Variants in PHACTR3 observed in about 807,000 individuals in gnomAD.
PHACTR3 encodes phosphatase and actin regulator 3.
A neutral mutation model predicts 66.8 loss-of-function variants in PHACTR3; 16 were observed. The ratio of observed to expected loss-of-function variants is 0.24; its 90% confidence interval spans 0.16 to 0.36. PHACTR3 has a LOEUF of 0.36. PHACTR3 is among the 10% of genes least tolerant of loss of function. The pLI is 1.00. For synonymous variants in PHACTR3, 323 were observed against 292.1 expected, an observed-to-expected ratio of 1.11 and a Z score of -1.08; for missense variants, 647 against 719.9, an observed-to-expected ratio of 0.90 and a Z score of 1.16.
At chr20:59,689,497 C>A (rs2037024426) in intron 1 of PHACTR3, among the ~76,000 whole-genome samples, 1 of 152,206 alleles carries the variant, frequency 6.6e-6, no homozygotes, top group African/African-American at 2.4e-5. Context: ...TGTTGAGGAG[C>A]AAACCAAGCT....
At position 59,704,122 on chromosome 20, in the gene PHACTR3, C is replaced by G. The variant is rs890167846; in HGVS notation, c.119-38985C>G. Among the ~76,000 whole-genome samples the G allele has an allele frequency of 2.0e-5, 3 of 152,220 alleles. No individual in the cohort carries two copies. In the East Asian group the frequency reaches 5.8e-4, roughly 29 times the overall value. On this transcript the variant is annotated intron_variant, in intron 1 of 12. Coordinates refer to ENST00000371015, the MANE Select transcript of PHACTR3 (RefSeq NM_080672.5). The stretch of plus-strand genomic sequence containing the variant: ...CTTTCATACATTTTTGCTAAGTAAC[C>G]CTCCAGAGAGAAGGGAACAAGTGGC...
At chr20:59,605,164 C>CCG in intron 1 of PHACTR3, 32 bp downstream of exon 1, 4 of 1,145,878 alleles carry the variant, frequency 3.5e-6, no homozygotes, top group Non-Finnish European at 4.5e-6. Flanking sequence ...GCGGGCGGGT[C>CCG]GGGGAGGCCC....
intron 1 of PHACTR3, among the ~76,000 whole-genome samples, chr20:59,671,686 T>C (rs1299874324): frequency 1.3e-5 from 2 of 152,248 alleles, no homozygotes; most frequent in Non-Finnish European, 2.9e-5. Context: ...ATTGTCCAGC[T>C]GTGATATTGG....
intron 1 of PHACTR3, among the ~76,000 whole-genome samples, chr20:59,613,777 T>C (rs923125803): frequency 6.6e-6 from 1 of 152,214 alleles, no homozygotes; most frequent in Non-Finnish European, 1.5e-5. Flanking sequence ...GCAGTTTTTA[T>C]GTTTTGTGCC....
At chr20:59,670,610 G>GT in intron 1 of PHACTR3, among the ~76,000 whole-genome samples, 1 of 137,290 alleles carries the variant, frequency 7.3e-6, no homozygotes, top group African/African-American at 2.6e-5. Flanking sequence ...GGGGGTGGGG[G>GT]GGGGGGGCAG....
chr20:59,635,402 T>G (rs1327949684), intron 1 of PHACTR3, among the ~76,000 whole-genome samples: 1 of 150,820 alleles, frequency 6.6e-6, no homozygotes, highest in Non-Finnish European at 1.5e-5. Context: ...CTCGGCTAAT[T>G]TTTTTGTATT....
At chr20:59,734,023 C>T (rs2146729081) in intron 1 of PHACTR3, among the ~76,000 whole-genome samples, 1 of 152,042 alleles carries the variant, frequency 6.6e-6, no homozygotes, top group Non-Finnish European at 1.5e-5. Flanking sequence ...TCTCACAAGG[C>T]TGAACTTGCT....
At chr20:59,789,729 A>G (rs2041032076) in intron 7 of PHACTR3, among the ~76,000 whole-genome samples, 1 of 152,230 alleles carries the variant, frequency 6.6e-6, no homozygotes, top group South Asian at 2.1e-4. Context: ...AACAGACTCC[A>G]GGACTGTTCT....
chr20:59,606,303 T>TCCCCCCC (rs5842274), intron 1 of PHACTR3, among the ~76,000 whole-genome samples: 1 of 151,034 alleles, frequency 6.6e-6, no homozygotes, highest in East Asian at 2.0e-4. Flanking sequence ...ACTGGATCCC[T>TCCCCCCC]CCCCCCCCCA....
chr20:59,724,064 C>T lies in PHACTR3; in HGVS notation c.119-19043C>T, dbSNP rs571046057. Among the ~76,000 whole-genome samples the T allele has an allele frequency of 7.3e-3, 1,107 of 152,280 alleles. 12 individuals are homozygous for T. The highest frequency in any genetic ancestry group is 0.025 in the African/African-American group (1,028 of 41,576). ...ACACCTTTCACATGGTCACACCTGA[C>T]CTGAGCAGCTGCCCGGCCATAGTGC... is the stretch of plus-strand genomic sequence containing the variant. On this transcript the variant is annotated intron_variant, in intron 1 of 12. Transcript: ENST00000371015.
At chr20:59,697,269 C>T (rs180856152) in intron 1 of PHACTR3, among the ~76,000 whole-genome samples, 95 of 152,322 alleles carry the variant, frequency 6.2e-4, no homozygotes, top group Middle Eastern at 6.8e-3. Context: ...GGTTATCTTC[C>T]GCCTGCTTTC....
intron 1 of PHACTR3, among the ~76,000 whole-genome samples, chr20:59,680,199 A>T (rs527900627): frequency 2.7e-4 from 39 of 144,090 alleles, no homozygotes; most frequent in Non-Finnish European, 5.6e-4. Flanking sequence ...TGTTAACCTC[A>T]GTAGGGAAGG....
chr20:59,744,814 C>T (rs1679022534), intron 2 of PHACTR3, among the ~76,000 whole-genome samples: 1 of 152,238 alleles, frequency 6.6e-6, no homozygotes, highest in Admixed American at 6.5e-5. Flanking sequence ...CCTGCCCACC[C>T]AGAGCTTTCC....
At chr20:59,623,642 T>C (rs997673805) in intron 1 of PHACTR3, among the ~76,000 whole-genome samples, 2 of 152,116 alleles carry the variant, frequency 1.3e-5, no homozygotes, top group African/African-American at 2.4e-5. Context: ...GATGTAGATA[T>C]GAAGTTTGAA....
intron 1 of PHACTR3, among the ~76,000 whole-genome samples, chr20:59,652,852 A>G (rs1393878893): frequency 3.3e-5 from 5 of 152,106 alleles, no homozygotes; most frequent in Admixed American, 6.6e-5. Context: ...AAAAATCGGG[A>G]TATTTTTATA....
At chr20:59,794,239 C>CTCAATA (rs2041190438) in intron 7 of PHACTR3, among the ~76,000 whole-genome samples, 1 of 151,848 alleles carries the variant, frequency 6.6e-6, no homozygotes, top group Non-Finnish European at 1.5e-5. Flanking sequence ...CATATATGGC[C>CTCAATA]TTTATTATAT....
At chr20:59,737,240 G>A (rs2038976844) in intron 1 of PHACTR3, among the ~76,000 whole-genome samples, 1 of 152,066 alleles carries the variant, frequency 6.6e-6, no homozygotes, top group African/African-American at 2.4e-5. Context: ...TGTCACAGTC[G>A]GTCAGTCGAC....
chr20:59,722,970 C>T (rs544436668), intron 1 of PHACTR3, among the ~76,000 whole-genome samples: 3 of 152,090 alleles, frequency 2.0e-5, no homozygotes, highest in East Asian at 3.9e-4. Flanking sequence ...CAGCCTATGG[C>T]CCTGAGAGAG....
At chr20:59,810,714 A>G (rs1442638392) in intron 8 of PHACTR3, among the ~76,000 whole-genome samples, 7 of 152,188 alleles carry the variant, frequency 4.6e-5, no homozygotes. Flanking sequence ...GCTACCCCAG[A>G]ACACATCCGT....
Sources: gnomAD v4.1 joint callset for allele counts (sites outside exome capture counted in the v4.1 genomes callset) on GRCh38, gnomAD v4.1.1 for gene constraint, MANE v1.5 for transcripts, NCBI Gene and HGNC (gene_info 2026-07-23, HGNC 2026-07-21) for gene names.